The following LMX1B variants were observed in gnomAD, a reference collection of about 807,000 sequenced individuals.
LMX1B encodes LIM homeobox transcription factor 1-beta.
LMX1B carries 12 observed loss-of-function variants against 51.4 expected under a neutral mutation model. The ratio of observed to expected loss-of-function variants is 0.23; its 90% confidence interval spans 0.15 to 0.38. The LOEUF is 0.38. LMX1B is among the 10% of genes least tolerant of loss of function. The probability of loss-of-function intolerance (pLI) is 1.00; values close to 1 mark genes in which losing one functional copy is unlikely to be tolerated. For synonymous variants in LMX1B, 237 were observed against 235.4 expected (o/e 1.01, Z -0.06); for missense variants, 445 against 571.1 (o/e 0.78, Z 2.25).
In LMX1B at chr9:126,680,655, A is replaced by G. The variant is rs1588298891; in HGVS notation, c.327-10181A>G. Among the ~76,000 whole-genome samples, 3 of 152,282 alleles carry G rather than the reference A, an allele frequency of 2.0e-5. No individual in the cohort carries two copies. The East Asian group carries it at 5.8e-4, about 29-fold the overall frequency. On this transcript the variant is annotated intron_variant, in intron 2 of 7. Transcript: ENST00000373474. Reference sequence around the variant, plus strand: ...GAGCAGGTGGGAGGAGGAGGTTCCTACTGCAGACCAGGAGAGGGCCTGGCT... The same window carrying G: ...GAGCAGGTGGGAGGAGGAGGTTCCTGCTGCAGACCAGGAGAGGGCCTGGCT...
chr9:126,698,521 T>A lies in LMX1B; in HGVS notation c.*2070T>A, dbSNP rs1421478124. On this transcript the variant is annotated 3_prime_UTR_variant, in exon 8 of 8. Coordinates refer to ENST00000373474, the MANE Select transcript of LMX1B (RefSeq NM_001174147.2). The stretch of plus-strand genomic sequence containing the variant: ...ACTAGATCCATCCCCAGCCCCAGTC[T>A]GCTCAACTCTATCCCTGTCAGAGCA... 6.6e-6 allele frequency: 1 copy of A among 152,286 alleles called. No homozygotes were observed. Among genetic ancestry groups the A allele is most frequent in the Non-Finnish European group, 1.5e-5 (1 of 68,078 alleles). The allele number at this position is 152,286 out of a possible 1,614,324, so 9.4% of individuals were successfully genotyped here. A position where few individuals can be genotyped will look rare whatever the true frequency, so the allele number is the denominator to read the frequency against.
intron 2 of LMX1B, among the ~76,000 whole-genome samples, chr9:126,660,031 G>GCA (rs879758066): frequency 0.04 from 3,116 of 78,582 alleles, 66 homozygotes; most frequent in Middle Eastern, 0.09. Flanking sequence ...GTGTGGGGGT[G>GCA]TCTACACTGG....
At chr9:126,674,377 G>A (rs903701027) in intron 2 of LMX1B, among the ~76,000 whole-genome samples, 4 of 150,382 alleles carry the variant, frequency 2.7e-5, no homozygotes, top group African/African-American at 9.8e-5. Flanking sequence ...TGTAGGGTGG[G>A]GTGGAGGAGG....
At chr9:126,666,071 A>G (rs1267069526) in intron 2 of LMX1B, among the ~76,000 whole-genome samples, 2 of 152,230 alleles carry the variant, frequency 1.3e-5, no homozygotes, top group African/African-American at 4.8e-5. Context: ...TAACCCTCAG[A>G]ACAACCTACC....
At chr9:126,621,779 A>G (rs1031264147) in intron 2 of LMX1B, among the ~76,000 whole-genome samples, 3 of 151,182 alleles carry the variant, frequency 2.0e-5, no homozygotes, top group Non-Finnish European at 2.9e-5. Context: ...AATGTTTCAA[A>G]GTTTGTGTAA....
rs549211628 is a variant in LMX1B, at chr9:126,643,111, C to T, written c.326+27542C>T. ...CATCAGGGGCCTGATAAGATCTTCA[C>T]AGCTTGTTATCCCGGGTCAGGCTGA... is the stretch of plus-strand genomic sequence containing the variant. On this transcript the variant is annotated intron_variant, in intron 2 of 7. Transcript: ENST00000373474. 1.6e-4 allele frequency among the ~76,000 whole-genome samples: 24 copies of T among 152,310 alleles called. 1 individual carries two copies. The South Asian group carries it at 4.8e-3, about 30-fold the overall frequency.
chr9:126,624,583 GCGCGGATGCT>G (rs1835482952), intron 2 of LMX1B, among the ~76,000 whole-genome samples: 1 of 152,146 alleles, frequency 6.6e-6, no homozygotes, highest in Non-Finnish European at 1.5e-5. Context: ...CGAGTTCCCG[GCGCGGATGCT>G]AGGGCCGACC....
At chr9:126,662,258 T>C (rs749087616) in intron 2 of LMX1B, among the ~76,000 whole-genome samples, 1 of 152,212 alleles carries the variant, frequency 6.6e-6, no homozygotes, top group Non-Finnish European at 1.5e-5. Context: ...TTAAGAGTAG[T>C]GGCCCCTGTG....
At chr9:126,647,255 A>G (rs1042642086) in intron 2 of LMX1B, among the ~76,000 whole-genome samples, 2 of 152,132 alleles carry the variant, frequency 1.3e-5, no homozygotes, top group Non-Finnish European at 2.9e-5. Context: ...AATACAGACT[A>G]TATAAGCAAA....
At chr9:126,652,314 C>G (rs1042445290) in intron 2 of LMX1B, among the ~76,000 whole-genome samples, 2 of 151,804 alleles carry the variant, frequency 1.3e-5, no homozygotes, top group African/African-American at 4.8e-5. Context: ...GGGATTTTCT[C>G]TTTCTTCCCG....
At position 126,658,868 on chromosome 9, in the gene LMX1B, GAGA is replaced by G. The variant is rs1836171805; in HGVS notation, c.327-31965_327-31963del. ...TGTATCAGGCCTGGTTTGCTGTGGAGAGAAGGAGGACTTCCTGGGGACATGAGA... is the reference window on the plus strand; with the variant it reads ...TGTATCAGGCCTGGTTTGCTGTGGAGAGGAGGACTTCCTGGGGACATGAGA... On this transcript the variant is annotated intron_variant, in intron 2 of 7. Transcript: ENST00000373474. The surrounding 1 kb of genome is among the most constrained non-coding windows in gnomAD (Gnocchi z 4.0). 6.6e-6 allele frequency among the ~76,000 whole-genome samples: 1 copy of G among 152,210 alleles called. No individual in the cohort carries two copies. Among genetic ancestry groups the G allele is most frequent in the South Asian group, 2.1e-4 (1 of 4,836 alleles).
chr9:126,627,183 AC>A (rs140720724), intron 2 of LMX1B, among the ~76,000 whole-genome samples: 15 of 150,334 alleles, frequency 1.0e-4, no homozygotes, highest in South Asian at 2.1e-4. Context: ...AGGAAGAGAG[AC>A]CCCCCGGTCT....
chr9:126,676,527 G>C (rs1487014820), intron 2 of LMX1B, among the ~76,000 whole-genome samples: 1 of 152,240 alleles, frequency 6.6e-6, no homozygotes, highest in African/African-American at 2.4e-5. Context: ...CCTGGCCTTT[G>C]AAGGATGAGA....
intron 6 of LMX1B, among the ~76,000 whole-genome samples, chr9:126,694,388 A>G (rs983404346): frequency 2.0e-5 from 3 of 152,186 alleles, no homozygotes; most frequent in Non-Finnish European, 4.4e-5. Context: ...ACACTACCCC[A>G]CTGCCGGAAT....
At position 126,658,989 on chromosome 9, in the gene LMX1B, C is replaced by T. The variant is rs572951938; in HGVS notation, c.327-31847C>T. On this transcript the variant is annotated intron_variant, in intron 2 of 7. Coordinates refer to ENST00000373474, the MANE Select transcript of LMX1B (RefSeq NM_001174147.2). The surrounding 1 kb of genome is among the most constrained non-coding windows in gnomAD (Gnocchi z 4.0). ...GGGATACAGGGTGGGAGGGACCCTT[C>T]AGGGGGCTGAGAGGCGGGTGTTCTG... Among the ~76,000 whole-genome samples, 1 of 152,192 alleles carries T rather than the reference C, an allele frequency of 6.6e-6. No homozygotes were observed. The highest frequency in any genetic ancestry group is 6.5e-5 in the Admixed American group (1 of 15,284).
intron 2 of LMX1B, among the ~76,000 whole-genome samples, chr9:126,635,528 G>A (rs1564150417): frequency 6.6e-6 from 1 of 152,182 alleles, no homozygotes; most frequent in Admixed American, 6.5e-5. Context: ...GAGATTCGGG[G>A]GAATAACTGT....
intron 7 of LMX1B, 46 bp from the exon 8 acceptor site, chr9:126,696,246 AGG>A: frequency 6.3e-7 from 1 of 1,583,264 alleles, no homozygotes; most frequent in South Asian, 1.1e-5. Context: ...GGGGGCCCCC[AGG>A]AGCCCCAGCC....
intron 2 of LMX1B, among the ~76,000 whole-genome samples, chr9:126,685,939 C>G (rs1300718738): frequency 6.6e-6 from 1 of 152,072 alleles, no homozygotes; most frequent in Non-Finnish European, 1.5e-5. Flanking sequence ...TGCATGCAGT[C>G]TGGACCTTAA....
intron 2 of LMX1B, among the ~76,000 whole-genome samples, chr9:126,690,445 G>A (rs1403353419): frequency 6.6e-6 from 1 of 152,162 alleles, no homozygotes; most frequent in African/African-American, 2.4e-5. Flanking sequence ...GGTGAGGGAG[G>A]ATCAGAGGAG....
Sources: gnomAD v4.1 joint callset for allele counts (sites outside exome capture counted in the v4.1 genomes callset) on GRCh38, gnomAD v4.1.1 for gene constraint, Gnocchi (gnomAD v3.1) non-coding constraint, MANE v1.5 for transcripts, NCBI Gene and HGNC (gene_info 2026-07-23, HGNC 2026-07-21) for gene names.